The following HBA1 variants were observed in gnomAD, a reference collection of about 807,000 sequenced individuals.
The protein encoded by HBA1 is hemoglobin subunit alpha 1.
In HBA1, 3 loss-of-function variants were observed where a neutral mutation model predicts 7.8. The ratio of observed to expected loss-of-function variants is 0.38; its 90% CI spans 0.17 to 0.99. The LOEUF (loss-of-function observed/expected upper bound fraction) is 0.99, where lower values mean the gene tolerates loss of function less well. Among genes scored for constraint, HBA1 ranks in the 50% least tolerant of loss-of-function variants. The pLI is 0.38. For missense variants in HBA1, 67 were observed against 194.6 expected (o/e 0.34, Z 3.90); for synonymous variants, 32 against 91.8 (o/e 0.35, Z 3.72).
Position 177,471 on chromosome 16 carries a change from C to G in HBA1, c.*60C>G. ...GGGCCTCCCCCCAGCCCCTCCTCCC[C>G]TTCCTGCACCCGTACCCCCGTGGTC... On this transcript the variant is annotated 3_prime_UTR_variant, in exon 3 of 3. Transcript: ENST00000320868. 1 of 1,582,250 alleles carries G rather than the reference C, an allele frequency of 6.3e-7. No homozygotes were observed. Among genetic ancestry groups the G allele is most frequent in the Non-Finnish European group, 8.6e-7 (1 of 1,160,854 alleles).
Position 177,483 on chromosome 16 carries a change from GTA to G in HBA1, c.*73_*74del, listed in dbSNP as rs1438039746. On this transcript the variant is annotated 3_prime_UTR_variant, in exon 3 of 3. Transcript: ENST00000320868. The stretch of plus-strand genomic sequence containing the variant: ...AGCCCCTCCTCCCCTTCCTGCACCC[GTA>G]CCCCCGTGGTCTTTGAATAAAGTCT... 29 of 1,551,676 alleles carry G rather than the reference GTA, an allele frequency of 1.9e-5. 2 individuals are homozygous for G. Among genetic ancestry groups the G allele is most frequent in the Middle Eastern group, 1.7e-4 (1 of 5,990 alleles).
Position 177,196 on chromosome 16 carries a change from G to C in HBA1, c.300+63G>C, listed in dbSNP as rs113703630. On this transcript the variant is annotated intron_variant, in intron 2 of 2. Coordinates refer to ENST00000320868, the MANE Select transcript of HBA1 (RefSeq NM_000558.5). ...GAGATGGCGCCTTCCTCGCAGGGCA[G>C]AGGATCACGCGGGTTGCGGGAGGTG... 5.0e-5 allele frequency: 80 copies of C among 1,612,164 alleles called. No homozygotes were observed. The South Asian group carries it at 5.8e-4, about 12-fold the overall frequency.
rs1396180549 is a variant in HBA1 at position 177,275 on chromosome 16, C to G, written c.301-8C>G. On this transcript the variant is annotated splice_region_variant and splice_polypyrimidine_tract_variant and intron_variant, in intron 2 of 2. Transcript: ENST00000320868. The stretch of plus-strand genomic sequence containing the variant: ...CCCTCGGCCCCACTGACCCTCTTCT[C>G]TGCACAGCTCCTAAGCCACTGCCTG... The G allele has an allele frequency of 3.7e-6, 6 of 1,613,134 alleles. No individual in the cohort carries two copies. The highest frequency in any genetic ancestry group is 3.3e-5 in the South Asian group (3 of 91,060).
chr16:177,481 C>G lies in HBA1; in HGVS notation c.*70C>G. ...CCAGCCCCTCCTCCCCTTCCTGCACCCGTACCCCCGTGGTCTTTGAATAAA... is the reference window on the plus strand; with the variant it reads ...CCAGCCCCTCCTCCCCTTCCTGCACGCGTACCCCCGTGGTCTTTGAATAAA... On this transcript the variant is annotated 3_prime_UTR_variant, in exon 3 of 3. Transcript: ENST00000320868. 2.6e-6 allele frequency: 4 copies of G among 1,559,374 alleles called. No individual in the cohort carries two copies. Among genetic ancestry groups the G allele is most frequent in the Non-Finnish European group, 3.5e-6 (4 of 1,145,172 alleles).
Position 177,331 on chromosome 16 carries a change from G to A in HBA1, c.349G>A (p.Glu117Lys), listed in dbSNP as rs63749882. Residue 117 changes from glutamate (E) to lysine (K), a missense_variant, in exon 3 of 3, where the codon GAG (glutamate) becomes AAG (lysine). This residue lies in a region of HBA1 where 58 missense variants were observed against 91.9 expected (regional missense o/e 0.63). Transcript: ENST00000320868. ...GACCCTGGCCGCCCACCTCCCCGCC[G>A]AGTTCACCCCTGCGGTGCACGCCTC... is the stretch of plus-strand genomic sequence containing the variant. ...LVTLAAHLPA[E>K]FTPAVHASLD... 5.6e-6 allele frequency: 9 copies of A among 1,613,142 alleles called. 1 individual carries two copies. Among genetic ancestry groups the A allele is most frequent in the Middle Eastern group, 3.3e-4 (2 of 6,082 alleles).
In HBA1 at chr16:177,482, C is replaced by G. The variant is rs11864706; in HGVS notation, c.*71C>G. 1.8e-5 allele frequency: 28 copies of G among 1,559,132 alleles called. 2 individuals are homozygous for G. Among genetic ancestry groups the G allele is most frequent in the Middle Eastern group, 1.7e-4 (1 of 5,998 alleles). The stretch of plus-strand genomic sequence containing the variant: ...CAGCCCCTCCTCCCCTTCCTGCACC[C>G]GTACCCCCGTGGTCTTTGAATAAAG... On this transcript the variant is annotated 3_prime_UTR_variant, in exon 3 of 3. Transcript: ENST00000320868.
Position 177,311 on chromosome 16 carries a change from T to C in HBA1, c.329T>C (p.Leu110Pro). ...KLLSHCLLVT[L>P]AAHLPAEFTP... ...CTAAGCCACTGCCTGCTGGTGACCC[T>C]GGCCGCCCACCTCCCCGCCGAGTTC... The change falls in exon 3 of 3, where the codon CTG becomes CCG. Residue 110 changes from leucine to proline, a missense_variant. Coordinates refer to ENST00000320868, the MANE Select transcript of HBA1 (RefSeq NM_000558.5). 6.2e-7 allele frequency: 1 copy of C among 1,613,232 alleles called. No individual in the cohort carries two copies. The highest frequency in any genetic ancestry group is 1.7e-5 in the Admixed American group (1 of 59,974).
rs200499392 is a variant in HBA1 at position 177,423 on chromosome 16, G to C, written c.*12G>C. 1.2e-5 allele frequency: 20 copies of C among 1,613,230 alleles called. No homozygotes were observed. The highest frequency in any genetic ancestry group is 1.6e-5 in the Non-Finnish European group (19 of 1,179,804). On this transcript the variant is annotated 3_prime_UTR_variant, in exon 3 of 3. Transcript: ENST00000320868. Reference sequence around the variant, plus strand: ...CCAAATACCGTTAAGCTGGAGCCTCGGTGGCCATGCTTCTTGCCCCTTGGG... The same window carrying C: ...CCAAATACCGTTAAGCTGGAGCCTCCGTGGCCATGCTTCTTGCCCCTTGGG...
Position 177,436 on chromosome 16 carries a change from C to G in HBA1, c.*25C>G. On this transcript the variant is annotated 3_prime_UTR_variant, in exon 3 of 3. Transcript: ENST00000320868. ...AGCTGGAGCCTCGGTGGCCATGCTT[C>G]TTGCCCCTTGGGCCTCCCCCCAGCC... 1 of 1,612,150 alleles carries G rather than the reference C, an allele frequency of 6.2e-7. No homozygotes were observed. Among genetic ancestry groups the G allele is most frequent in the Admixed American group, 1.7e-5 (1 of 59,804 alleles).
rs34098449 is a variant in HBA1 at position 177,291 on chromosome 16, C to T, written c.309C>T (p.Ser103=). The change falls in exon 3 of 3, where the codon AGC becomes AGT. Residue 103 remains serine (S), a synonymous_variant. Transcript: ENST00000320868. ...RVDPVNFKLL[S]HCLLVTLAAH... Reference sequence around the variant, plus strand: ...CCCTCTTCTCTGCACAGCTCCTAAGCCACTGCCTGCTGGTGACCCTGGCCG... The same window carrying T: ...CCCTCTTCTCTGCACAGCTCCTAAGTCACTGCCTGCTGGTGACCCTGGCCG... 1.2e-6 allele frequency: 2 copies of T among 1,613,440 alleles called. No individual in the cohort carries two copies. Among genetic ancestry groups the T allele is most frequent in the Non-Finnish European group, 1.7e-6 (2 of 1,179,966 alleles).
At position 177,383 on chromosome 16, in the gene HBA1, GCA is replaced by G. The variant is rs1490746425; in HGVS notation, c.403_404del (p.Thr135ArgfsTer42). The G allele has an allele frequency of 6.2e-7, 1 of 1,613,658 alleles. No individual in the cohort carries two copies. The highest frequency in any genetic ancestry group is 2.2e-5 in the East Asian group (1 of 44,878). On this transcript the variant is annotated frameshift_variant, in exon 3 of 3. Coordinates refer to ENST00000320868, the MANE Select transcript of HBA1 (RefSeq NM_000558.5). LOFTEE classifies it high-confidence loss of function. ...CTGGACAAGTTCCTGGCTTCTGTGA[GCA>G]CCGTGCTGACCTCCAAATACCGTTA...
chr16:177,257 C>T, intron 2 of HBA1, 26 bp from the exon 3 acceptor site: 1 of 1,612,192 alleles, frequency 6.2e-7, no homozygotes, highest in Non-Finnish European at 8.5e-7. Flanking sequence ...GGGCCCTCGG[C>T]CCCACTGACC....
chr16:177,297 C>T lies in HBA1; in HGVS notation c.315C>T (p.Cys105=). 6.2e-6 allele frequency: 10 copies of T among 1,613,434 alleles called. No homozygotes were observed. Among genetic ancestry groups the T allele is most frequent in the Non-Finnish European group, 8.5e-6 (10 of 1,179,944 alleles). ...TCTCTGCACAGCTCCTAAGCCACTGCCTGCTGGTGACCCTGGCCGCCCACC... is the reference window on the plus strand; with the variant it reads ...TCTCTGCACAGCTCCTAAGCCACTGTCTGCTGGTGACCCTGGCCGCCCACC... ...DPVNFKLLSH[C]LLVTLAAHLP... is the part of the protein sequence containing the mutation. Residue 105 remains cysteine, a synonymous_variant, in exon 3 of 3, where the codon TGC becomes TGT. Coordinates refer to ENST00000320868, the MANE Select transcript of HBA1 (RefSeq NM_000558.5).
In HBA1 at chr16:177,295, T is replaced by A. The variant is rs35059618; in HGVS notation, c.313T>A (p.Cys105Ser). The change falls in exon 3 of 3, where the codon TGC becomes AGC. Residue 105 changes from cysteine to serine, a missense_variant. Transcript: ENST00000320868. The part of the protein sequence containing the change: ...DPVNFKLLSH[C>S]LLVTLAAHLP... ...CTTCTCTGCACAGCTCCTAAGCCAC[T>A]GCCTGCTGGTGACCCTGGCCGCCCA... 6.2e-7 allele frequency: 1 copy of A among 1,613,380 alleles called. No individual in the cohort carries two copies. Among genetic ancestry groups the A allele is most frequent in the African/African-American group, 1.3e-5 (1 of 75,054 alleles).
intron 2 of HBA1, 36 bp from the exon 3 acceptor site, chr16:177,247 G>T (rs1000675994): frequency 1.2e-6 from 2 of 1,612,778 alleles, no homozygotes; most frequent in South Asian, 1.1e-5. Context: ...CTGCGGGCCT[G>T]GGCCCTCGGC....
chr16:177,489 C>G lies in HBA1; in HGVS notation c.*78C>G. On this transcript the variant is annotated 3_prime_UTR_variant, in exon 3 of 3. Coordinates refer to ENST00000320868, the MANE Select transcript of HBA1 (RefSeq NM_000558.5). The stretch of plus-strand genomic sequence containing the variant: ...TCCTCCCCTTCCTGCACCCGTACCC[C>G]CGTGGTCTTTGAATAAAGTCTGAGT... 1 of 1,550,542 alleles carries G rather than the reference C, an allele frequency of 6.4e-7. No individual in the cohort carries two copies. Among genetic ancestry groups the G allele is most frequent in the Non-Finnish European group, 8.8e-7 (1 of 1,139,626 alleles).
chr16:177,216 G>A (rs1195966826), intron 2 of HBA1, 67 bp from the exon 3 acceptor site: 1 of 1,612,230 alleles, frequency 6.2e-7, no homozygotes, highest in African/African-American at 1.3e-5. Flanking sequence ...CGGGTTGCGG[G>A]AGGTGTAGCG....
In HBA1 at chr16:177,488, C is replaced by CTT. The variant is rs1178433850; in HGVS notation, c.*77_*78insTT. The CTT allele has an allele frequency of 2.4e-5, 37 of 1,551,452 alleles. 2 individuals carry two copies. The highest frequency in any genetic ancestry group is 1.9e-4 in the Admixed American group (10 of 53,338). ...CTCCTCCCCTTCCTGCACCCGTACC[C>CTT]CCGTGGTCTTTGAATAAAGTCTGAG... is the stretch of plus-strand genomic sequence containing the variant. On this transcript the variant is annotated 3_prime_UTR_variant, in exon 3 of 3. Transcript: ENST00000320868.
In HBA1 at chr16:176,967, C is replaced by T. The variant is rs33978134; in HGVS notation, c.134C>T (p.Pro45Leu). 1 of 1,196,798 alleles carries T rather than the reference C, an allele frequency of 8.4e-7. No homozygotes were observed. Among genetic ancestry groups the T allele is most frequent in the Non-Finnish European group, 1.2e-6 (1 of 831,108 alleles). The allele number at this position is 1,196,798 out of a possible 1,614,324, so 74.1% of individuals were successfully genotyped here. A position where few individuals can be genotyped will look rare whatever the true frequency, so the allele number is the denominator to read the frequency against. The change falls in exon 2 of 3, where the codon CCG becomes CTG. Residue 45 changes from proline (P) to leucine (L), a missense_variant. Around this residue, in one of 2 missense-constraint regions of HBA1, gnomAD observed 9 missense variants for 102.7 expected, o/e 0.09. Coordinates refer to ENST00000320868, the MANE Select transcript of HBA1 (RefSeq NM_000558.5). ...TTCCCCACCACCAAGACCTACTTCC[C>T]GCACTTCGACCTGAGCCACGGCTCT... ...LSFPTTKTYF[P>L]HFDLSHGSAQ... is the part of the protein sequence containing the mutation.
Sources: gnomAD v4.1 joint callset for allele counts on GRCh38, gnomAD v4.1.1 for gene constraint, gnomAD v4.1.1 regional missense constraint, MANE v1.5 for transcripts, NCBI Gene and HGNC (gene_info 2026-07-23, HGNC 2026-07-21) for gene names.